SPINT1: variants seen among roughly 807,000 people sequenced by gnomAD.
SPINT1 encodes serine peptidase inhibitor, Kunitz type 1.
SPINT1 carries 38 observed loss-of-function variants against 53.7 expected under a neutral mutation model. The ratio of observed to expected loss-of-function variants is 0.71; its 90% CI spans 0.55 to 0.93. The LOEUF is 0.93. Ranked by LOEUF, SPINT1 falls within the 40% of genes least tolerant of loss-of-function variation. The pLI, the probability that SPINT1 is intolerant of heterozygous loss-of-function variation, is 0.00. For missense variants in SPINT1, 645 were observed against 692.9 expected (o/e 0.93, Z 0.78); for synonymous variants, 283 against 280.6 (o/e 1.01, Z -0.08).
intron 2 of SPINT1, among the ~76,000 whole-genome samples, chr15:40,849,878 A>G (rs913725771): frequency 6.6e-6 from 1 of 152,164 alleles, no homozygotes; most frequent in Non-Finnish European, 1.5e-5. Flanking sequence ...AAAGATCTAA[A>G]TAGAAATTAT....
chr15:40,846,915 A>C (rs568092090), intron 2 of SPINT1, among the ~76,000 whole-genome samples: 12 of 152,314 alleles, frequency 7.9e-5, no homozygotes, highest in African/African-American at 2.4e-4. Context: ...CCTGTTCCAC[A>C]AGGAAGTAGC....
rs1322813768 is a variant in SPINT1, at chr15:40,844,175, T to A, written c.-77T>A. 2 of 414,290 alleles carry A rather than the reference T, an allele frequency of 4.8e-6. No individual in the cohort carries two copies. The highest frequency in any genetic ancestry group is 4.7e-6 in the Non-Finnish European group (1 of 214,218). 25.7% of individuals were successfully genotyped at this position (414,290 alleles called of 1,614,324 possible). ...CTCGGCGGACCCGGCCCCACCCAACTCACCTGCGCAGGTAACCCGGGCCCC... is the reference window on the plus strand; with the variant it reads ...CTCGGCGGACCCGGCCCCACCCAACACACCTGCGCAGGTAACCCGGGCCCC... On this transcript the variant is annotated 5_prime_UTR_variant, in exon 1 of 11. Transcript: ENST00000562057. This position sits in a 1 kb window ranked among gnomAD's most constrained non-coding sequence, Gnocchi z 5.8.
chr15:40,854,352 G>C, intron 6 of SPINT1, 45 bp from the exon 7 acceptor site: 1 of 1,516,174 alleles, frequency 6.6e-7, no homozygotes. Context: ...TGGGCCCTGG[G>C]CACTTGTTCT....
intron 10 of SPINT1, 49 bp from the exon 11 acceptor site, chr15:40,856,721 G>A: frequency 6.2e-7 from 1 of 1,609,588 alleles, no homozygotes; most frequent in Non-Finnish European, 8.5e-7. Flanking sequence ...GTGGGTGTCA[G>A]AACCAGGCAG....
chr15:40,845,472 A>T (rs1891265770), intron 2 of SPINT1, among the ~76,000 whole-genome samples: 1 of 152,024 alleles, frequency 6.6e-6, no homozygotes, highest in Non-Finnish European at 1.5e-5. Flanking sequence ...CCTTAGAAGT[A>T]GGCAGTACAG....
chr15:40,848,425 TG>T (rs1182807565), intron 2 of SPINT1, among the ~76,000 whole-genome samples: 1 of 152,242 alleles, frequency 6.6e-6, no homozygotes, highest in Non-Finnish European at 1.5e-5. Flanking sequence ...ATCTTGCAGC[TG>T]TACCTACACA....
Position 40,854,481 on chromosome 15 carries a change from C to G in SPINT1, c.1025C>G (p.Pro342Arg). ...IDSFLECDDT[P>R]NCPDASDEAA... Reference sequence around the variant, plus strand: ...AGTTTCCTGGAGTGTGACGACACCCCCAACTGCCCCGACGCCTCCGACGAG... The same window carrying G: ...AGTTTCCTGGAGTGTGACGACACCCGCAACTGCCCCGACGCCTCCGACGAG... The change falls in exon 7 of 11, where the codon CCC becomes CGC. Residue 342 changes from proline to arginine, a missense_variant. Transcript: ENST00000562057. 6.2e-7 allele frequency: 1 copy of G among 1,613,526 alleles called. No homozygotes were observed. Among genetic ancestry groups the G allele is most frequent in the Non-Finnish European group, 8.5e-7 (1 of 1,179,902 alleles).
intron 2 of SPINT1, among the ~76,000 whole-genome samples, chr15:40,847,700 A>G (rs1287753399): frequency 6.6e-6 from 1 of 152,008 alleles, no homozygotes; most frequent in Non-Finnish European, 1.5e-5. Flanking sequence ...AGGGAGTGGT[A>G]AGGCAAGGTA....
At chr15:40,845,489 C>A (rs959274843) in intron 2 of SPINT1, among the ~76,000 whole-genome samples, 2 of 152,086 alleles carry the variant, frequency 1.3e-5, no homozygotes, top group African/African-American at 4.8e-5. Context: ...ACAGCCGAAT[C>A]AAGCCTGGTG....
intron 2 of SPINT1, 45 bp from the exon 3 acceptor site, chr15:40,853,079 C>A (rs1258183824): frequency 6.3e-7 from 1 of 1,592,876 alleles, no homozygotes; most frequent in South Asian, 1.1e-5. Context: ...GAAGCCTGGT[C>A]CATCTAGTGA....
At chr15:40,846,957 C>T (rs1172037525) in intron 2 of SPINT1, among the ~76,000 whole-genome samples, 2 of 152,190 alleles carry the variant, frequency 1.3e-5, no homozygotes, top group East Asian at 1.9e-4. Context: ...CTCTTACTGA[C>T]CTGAGTTGCT....
At chr15:40,848,746 T>C (rs1891365647) in intron 2 of SPINT1, among the ~76,000 whole-genome samples, 1 of 152,116 alleles carries the variant, frequency 6.6e-6, no homozygotes. Context: ...ATTTCCAATA[T>C]ATATAAAGGG....
At chr15:40,854,311 T>C (rs888058608) in intron 6 of SPINT1, 86 bp from the exon 7 acceptor site, 14 of 1,501,512 alleles carry the variant, frequency 9.3e-6, no homozygotes, top group Admixed American at 6.9e-5. Flanking sequence ...GGGGATGTGC[T>C]GTGTCTGGGC....
intron 6 of SPINT1, 110 bp downstream of exon 6, chr15:40,854,196 T>C (rs1891558330): frequency 1.5e-5 from 21 of 1,396,766 alleles, no homozygotes; most frequent in East Asian, 1.4e-4. Context: ...CCCCTCAGAG[T>C]TTGTGGAAGG....
chr15:40,845,349 T>G (rs1192016109), intron 2 of SPINT1, among the ~76,000 whole-genome samples: 1 of 128,360 alleles, frequency 7.8e-6, no homozygotes, highest in Non-Finnish European at 1.6e-5. Flanking sequence ...TTTTTTTTTT[T>G]GGTACAGACG....
At chr15:40,855,750 G>A (rs950333285) in intron 8 of SPINT1, 142 bp from the exon 9 acceptor site, 1 of 783,632 alleles carries the variant, frequency 1.3e-6, no homozygotes, top group Non-Finnish European at 2.0e-6. Context: ...CACTGCAGCT[G>A]GGCCAGGTGT....
At chr15:40,848,082 T>A (rs1308772669) in intron 2 of SPINT1, among the ~76,000 whole-genome samples, 1 of 152,178 alleles carries the variant, frequency 6.6e-6, no homozygotes, top group African/African-American at 2.4e-5. Context: ...CTTTTTACTA[T>A]TTTTGTAGGC....
In SPINT1 at chr15:40,844,144, C is replaced by G. The variant is rs2291618; in HGVS notation, c.-108C>G. ...CCCGAGCCGCGCAGGAAGCTGGGAC[C>G]GGAACCTCGGCGGACCCGGCCCCAC... On this transcript the variant is annotated 5_prime_UTR_variant, in exon 1 of 11. Transcript: ENST00000562057. This position sits in a 1 kb window ranked among gnomAD's most constrained non-coding sequence, Gnocchi z 5.8. 6.7e-3 allele frequency: 2,969 copies of G among 441,178 alleles called. 181 individuals are homozygous for G. The East Asian group carries it at 0.17, about 25-fold the overall frequency. The allele number at this position is 441,178 out of a possible 1,614,324, so 27.3% of individuals were successfully genotyped here. A position where few individuals can be genotyped will look rare whatever the true frequency, so the allele number is the denominator to read the frequency against.
intron 2 of SPINT1, among the ~76,000 whole-genome samples, chr15:40,851,813 G>A (rs1891465337): frequency 6.6e-6 from 1 of 152,198 alleles, no homozygotes; most frequent in Non-Finnish European, 1.5e-5. Context: ...TTGAGGTCAG[G>A]AGTTCAAGAC....
Sources: gnomAD v4.1 joint callset for allele counts (sites outside exome capture counted in the v4.1 genomes callset) on GRCh38, gnomAD v4.1.1 for gene constraint, Gnocchi (gnomAD v3.1) non-coding constraint, MANE v1.5 for transcripts, NCBI Gene and HGNC (gene_info 2026-07-23, HGNC 2026-07-21) for gene names.